Variants in SLIT2 observed in about 807,000 individuals in gnomAD.
SLIT2 encodes the protein slit guidance ligand 2.
In SLIT2, 41 loss-of-function variants were observed where a neutral mutation model predicts 185.7. That is an observed-to-expected ratio of 0.22 (90% CI 0.17 to 0.29). SLIT2 has a LOEUF of 0.29. Among genes scored for constraint, SLIT2 ranks in the 10% least tolerant of loss-of-function variants. The pLI, the probability that SLIT2 is intolerant of heterozygous loss-of-function variation, is 1.00. For synonymous variants in SLIT2, 693 were observed against 680.2 expected, an observed-to-expected ratio of 1.02 and a Z score of -0.29; for missense variants, 1,571 against 1,909.0, an observed-to-expected ratio of 0.82 and a Z score of 3.30.
At chr4:20,382,310 C>G (rs1724591428) in intron 4 of SLIT2, among the ~76,000 whole-genome samples, 1 of 152,094 alleles carries the variant, frequency 6.6e-6, no homozygotes, top group Non-Finnish European at 1.5e-5. Context: ...AGGATGTGCA[C>G]TCCTATCTAG....
chr4:20,311,613 T>G (rs1199490174), intron 4 of SLIT2, among the ~76,000 whole-genome samples: 1 of 152,170 alleles, frequency 6.6e-6, no homozygotes. Flanking sequence ...AGTTTGTTCT[T>G]AAGAATAAGA....
intron 4 of SLIT2, among the ~76,000 whole-genome samples, chr4:20,411,877 C>A (rs1489650064): frequency 6.6e-6 from 1 of 152,006 alleles, no homozygotes; most frequent in Non-Finnish European, 1.5e-5. Context: ...CCCTTGCCAG[C>A]GCAGGAAAGT....
chr4:20,364,037 T>C (rs973950486), intron 4 of SLIT2, among the ~76,000 whole-genome samples: 2 of 152,078 alleles, frequency 1.3e-5, no homozygotes, highest in Non-Finnish European at 2.9e-5. Flanking sequence ...AAATATCAAA[T>C]CAGAAAGGCC....
intron 4 of SLIT2, among the ~76,000 whole-genome samples, chr4:20,328,212 G>A (rs1719756110): frequency 6.6e-6 from 1 of 152,086 alleles, no homozygotes; most frequent in Admixed American, 6.6e-5. Flanking sequence ...ATACCACTGA[G>A]TTCAAAAGCT....
In SLIT2 at chr4:20,388,875, A is replaced by AAT. The variant is rs202025147; in HGVS notation, c.396-78869_396-78868dup. On this transcript the variant is annotated intron_variant, in intron 4 of 36. Coordinates refer to ENST00000504154, the MANE Select transcript of SLIT2 (RefSeq NM_004787.4). ...GTATTATATATAAAATATAATATAT[A>AAT]ATATATATAAAACATAATATATATA... Among the ~76,000 whole-genome samples the AAT allele has an allele frequency of 2.9e-3, 421 of 145,846 alleles. 2 individuals are homozygous for AAT. Among genetic ancestry groups the AAT allele is most frequent in the Non-Finnish European group, 5.2e-3 (348 of 66,646 alleles).
intron 4 of SLIT2, among the ~76,000 whole-genome samples, chr4:20,412,745 T>G (rs978008113): frequency 6.6e-6 from 1 of 152,140 alleles, no homozygotes; most frequent in Non-Finnish European, 1.5e-5. Flanking sequence ...CATAGAGTTA[T>G]GTAATCATCA....
chr4:20,577,729 C>T (rs1438210666), intron 29 of SLIT2, among the ~76,000 whole-genome samples: 1 of 152,220 alleles, frequency 6.6e-6, no homozygotes, highest in East Asian at 1.9e-4. Context: ...CTCTCTGCCA[C>T]ACTGCATGGT....
chr4:20,571,269 G>T (rs1725581041), intron 29 of SLIT2, among the ~76,000 whole-genome samples: 1 of 152,112 alleles, frequency 6.6e-6, no homozygotes, highest in Non-Finnish European at 1.5e-5. Context: ...ATGTCAGTTT[G>T]CCTTAATTTG....
chr4:20,600,413 A>ATTTT (rs1281627568), intron 33 of SLIT2, among the ~76,000 whole-genome samples: 3 of 89,500 alleles, frequency 3.4e-5, no homozygotes, highest in African/African-American at 5.6e-5. Flanking sequence ...ATTATGTTGC[A>ATTTT]TTTTTTTTTT....
At chr4:20,472,484 C>CTATATCTATATAGATATATCTATATAGA (rs1560454397) in intron 5 of SLIT2, among the ~76,000 whole-genome samples, 4 of 14,714 alleles carry the variant, frequency 2.7e-4, no homozygotes, top group African/African-American at 7.5e-4. Context: ...AGATATATAT[C>CTATATCTATATAGATATATCTATATAGA]TATATATAGA....
At chr4:20,602,679 A>G (rs1398333276) in intron 33 of SLIT2, among the ~76,000 whole-genome samples, 1 of 152,158 alleles carries the variant, frequency 6.6e-6, no homozygotes, top group Non-Finnish European at 1.5e-5. Flanking sequence ...CAGGGACTAC[A>G]CTTTGAGAAC....
At chr4:20,355,009 T>G (rs748311510) in intron 4 of SLIT2, among the ~76,000 whole-genome samples, 21 of 151,746 alleles carry the variant, frequency 1.4e-4, no homozygotes, top group Non-Finnish European at 2.9e-5. Context: ...TTTTTTACCT[T>G]TCCTCATTTT....
At chr4:20,611,905 G>A (rs1000876369) in intron 34 of SLIT2, among the ~76,000 whole-genome samples, 1 of 152,158 alleles carries the variant, frequency 6.6e-6, no homozygotes, top group African/African-American at 2.4e-5. Flanking sequence ...TGACTCCAAA[G>A]CCACCTGCAT....
chr4:20,423,615 T>C lies in SLIT2; in HGVS notation c.396-44137T>C, dbSNP rs376365308. 1.6e-4 allele frequency among the ~76,000 whole-genome samples: 24 copies of C among 152,230 alleles called. No individual in the cohort carries two copies. The South Asian group carries it at 2.1e-3, about 13-fold the overall frequency. On this transcript the variant is annotated intron_variant, in intron 4 of 36. Coordinates refer to ENST00000504154, the MANE Select transcript of SLIT2 (RefSeq NM_004787.4). ...TGACCACAAGAGGTCTGCCTTTGAT[T>C]CTCACAATTTCACATGGGACCTTTC...
chr4:20,596,404 T>C lies in SLIT2; in HGVS notation c.3321-11T>C, dbSNP rs1275449777. 3 of 1,609,368 alleles carry C rather than the reference T, an allele frequency of 1.9e-6. No individual in the cohort carries two copies. Among genetic ancestry groups the C allele is most frequent in the Admixed American group, 3.4e-5 (2 of 59,236 alleles). On this transcript the variant is annotated splice_polypyrimidine_tract_variant and intron_variant, in intron 31 of 36. Coordinates refer to ENST00000504154, the MANE Select transcript of SLIT2 (RefSeq NM_004787.4). ...CGTATTAACTAATTTTTTTTTCTCC[T>C]TATTCTTCAGTGGCTTGTTCTGTGA...
chr4:20,443,582 T>TAAAA (rs71653885), intron 4 of SLIT2, among the ~76,000 whole-genome samples: 37 of 63,046 alleles, frequency 5.9e-4, no homozygotes, highest in Admixed American at 1.9e-3. Flanking sequence ...GGAGAAAATC[T>TAAAA]AAAAAAAAAA....
intron 4 of SLIT2, among the ~76,000 whole-genome samples, chr4:20,463,489 A>ATATATATATATATG (rs1713979391): frequency 2.0e-5 from 2 of 100,024 alleles, no homozygotes; most frequent in African/African-American, 8.8e-5. Flanking sequence ...ATATATATAT[A>ATATATATATATATG]TATGTGTGTG....
At position 20,533,825 on chromosome 4, in the gene SLIT2, A is replaced by C. The variant is rs79994313; in HGVS notation, c.1832+110A>C. 2.3e-3 allele frequency: 1,889 copies of C among 832,284 alleles called. 30 individuals carry two copies. In the African/African-American group the frequency reaches 0.038, roughly 17 times the overall value. 51.6% of individuals were successfully genotyped at this position (832,284 alleles called of 1,614,324 possible). ...TACTTTTACCCACCCCACTCCCTCT[A>C]TCTCTTTCACATTCTCTGTTACACA... On this transcript the variant is annotated intron_variant, in intron 18 of 36. Coordinates refer to ENST00000504154, the MANE Select transcript of SLIT2 (RefSeq NM_004787.4).
intron 29 of SLIT2, among the ~76,000 whole-genome samples, chr4:20,584,750 C>T (rs1443709755): frequency 6.6e-6 from 1 of 152,120 alleles, no homozygotes; most frequent in Non-Finnish European, 1.5e-5. Flanking sequence ...AACCGACAGA[C>T]AAAATCAGGA....
Sources: allele counts gnomAD v4.1 joint callset (sites outside exome capture counted in the v4.1 genomes callset), GRCh38; gene constraint gnomAD v4.1.1; transcripts MANE v1.5; gene names NCBI Gene and HGNC (gene_info 2026-07-23, HGNC 2026-07-21).